DMBT1: variants seen among roughly 807,000 people sequenced by gnomAD.
DMBT1 encodes the protein deleted in malignant brain tumors 1.
Under a neutral mutation model 252.9 loss-of-function variants are expected in DMBT1, and 198 were observed. That is an observed-to-expected ratio of 0.78 (90% CI 0.70 to 0.88). The LOEUF is 0.88. Ranked by LOEUF, DMBT1 falls within the 40% of genes least tolerant of loss-of-function variation. The pLI, the probability that DMBT1 is intolerant of heterozygous loss-of-function variation, is 0.00. For synonymous variants in DMBT1, 990 were observed against 942.7 expected (o/e 1.05, Z -0.92); for missense variants, 2,432 against 2,404.7 (o/e 1.01, Z -0.24).
At chr10:122,634,356 C>CTTTCTTTT (rs1566001376) in intron 52 of DMBT1, among the ~76,000 whole-genome samples, 10 of 98,414 alleles carry the variant, frequency 1.0e-4, no homozygotes, top group Non-Finnish European at 1.1e-4. Context: ...TTCTTTCTTT[C>CTTTCTTTT]TTTCTTTCTT....
chr10:122,643,007 G>GT, intron 55 of DMBT1, 115 bp from the exon 56 acceptor site: 1 of 1,378,322 alleles, frequency 7.3e-7, no homozygotes, highest in East Asian at 2.3e-5. Flanking sequence ...AAGGTGAGGT[G>GT]TGCAGGAGGC....
chr10:122,622,710 G>T (rs147640438), intron 44 of DMBT1, among the ~76,000 whole-genome samples: 57 of 152,300 alleles, frequency 3.7e-4, no homozygotes, highest in South Asian at 6.2e-4. Context: ...TGACGGCTCA[G>T]CCAGAGTTCT....
At chr10:122,590,597 T>A in intron 17 of DMBT1, 68 bp from the exon 18 acceptor site, 1 of 1,552,280 alleles carries the variant, frequency 6.4e-7, no homozygotes, top group Non-Finnish European at 8.8e-7. Context: ...GTTTAGTTCC[T>A]TGTACCTTTG....
chr10:122,568,889 C>CTGGTGTCAT (rs2097631098), intron 2 of DMBT1, among the ~76,000 whole-genome samples: 2 of 152,234 alleles, frequency 1.3e-5, no homozygotes, highest in South Asian at 4.1e-4. Context: ...AGGGAAGATG[C>CTGGTGTCAT]TGGTGTCATG....
At chr10:122,623,095 T>C (rs914453207) in intron 44 of DMBT1, among the ~76,000 whole-genome samples, 1 of 152,178 alleles carries the variant, frequency 6.6e-6, no homozygotes, top group African/African-American at 2.4e-5. Context: ...CAACCACTAA[T>C]CTGCTTTCTG....
chr10:122,580,485 A>G (rs2133557359), intron 10 of DMBT1, among the ~76,000 whole-genome samples: 1 of 152,310 alleles, frequency 6.6e-6, no homozygotes, highest in Non-Finnish European at 1.5e-5. Context: ...AGTCCCCATG[A>G]GGCCAGCCAG....
chr10:122,564,796 T>C lies in DMBT1; in HGVS notation c.62-1171T>C, dbSNP rs1985362. Among the ~76,000 whole-genome samples, 700 of 152,324 alleles carry C rather than the reference T, an allele frequency of 4.6e-3. 2 individuals carry two copies. Among genetic ancestry groups the C allele is most frequent in the Non-Finnish European group, 7.5e-3 (512 of 68,010 alleles). ...TTTGAGAAATTCATCTAGGATATCATCATCTGAAGACTCATAGTCTGAGAT... is the reference window on the plus strand; with the variant it reads ...TTTGAGAAATTCATCTAGGATATCACCATCTGAAGACTCATAGTCTGAGAT... On this transcript the variant is annotated intron_variant, in intron 1 of 55. Transcript: ENST00000338354.
chr10:122,632,279 G>A (rs2098171581), intron 50 of DMBT1, among the ~76,000 whole-genome samples: 1 of 151,490 alleles, frequency 6.6e-6, no homozygotes, highest in South Asian at 2.1e-4. Context: ...CCCCCTGCTT[G>A]CTTTGTCATC....
In DMBT1 at chr10:122,598,776, T is replaced by A. The variant is rs758277518; in HGVS notation, c.2959T>A (p.Ser987Thr). ...AGGATTCTTGTGTTCCCCTGTAGGA[T>A]CTGAATCCAGTTTGGCCCTGAGGCT... ...TITLPASTVG[S>T]ESSLALRLVN... Residue 987 changes from serine to threonine, a missense_variant and splice_region_variant, in exon 26 of 56, where the codon TCT becomes ACT. By Grantham distance (58) the Ser-to-Thr change is moderately conservative (BLOSUM62 1). Transcript: ENST00000338354. The A allele has an allele frequency of 6.2e-7, 1 of 1,613,028 alleles. No homozygotes were observed. Among genetic ancestry groups the A allele is most frequent in the East Asian group, 2.2e-5 (1 of 44,870 alleles).
At chr10:122,593,348 A>G (rs2097866855) in intron 20 of DMBT1, among the ~76,000 whole-genome samples, 1 of 148,170 alleles carries the variant, frequency 6.7e-6, no homozygotes, top group South Asian at 2.3e-4. Flanking sequence ...CCCTGGGCAG[A>G]CACAATTTGA....
chr10:122,584,915 T>G lies in DMBT1; in HGVS notation c.1421-356T>G, dbSNP rs574807605. On this transcript the variant is annotated intron_variant, in intron 14 of 55. Coordinates refer to ENST00000338354, the MANE Select transcript of DMBT1 (RefSeq NM_001377530.1). The stretch of plus-strand genomic sequence containing the variant: ...CACTTACTGGGAAACTTGATACCCC[T>G]TTGGTCAGCTCCTTGGTTTCCCTAA... 6.2e-4 allele frequency among the ~76,000 whole-genome samples: 93 copies of G among 149,226 alleles called. 8 individuals are homozygous for G. Among genetic ancestry groups the G allele is most frequent in the Non-Finnish European group, 1.1e-3 (76 of 66,818 alleles).
In DMBT1 at chr10:122,592,677, C is replaced by G; in HGVS notation, c.2500+82C>G. The G allele has an allele frequency of 1.9e-6, 3 of 1,564,138 alleles. 1 individual carries two copies. The highest frequency in any genetic ancestry group is 2.6e-6 in the Non-Finnish European group (3 of 1,150,652). On this transcript the variant is annotated intron_variant, in intron 20 of 55. Transcript: ENST00000338354. ...AATCCTAATTACATTCTGATCTCCT[C>G]ACTCAAAGATTCTTCTATGTTTCCT...
chr10:122,599,971 G>A (rs2097925805), intron 26 of DMBT1, 93 bp from the exon 27 acceptor site: 2 of 1,514,838 alleles, frequency 1.3e-6, no homozygotes, highest in South Asian at 1.1e-5. Flanking sequence ...GATGGACTGA[G>A]TGTCAGACTC....
In DMBT1 at chr10:122,588,586, G is replaced by C. The variant is rs1387785372; in HGVS notation, c.1784-358G>C. On this transcript the variant is annotated intron_variant, in intron 16 of 55. Transcript: ENST00000338354. The stretch of plus-strand genomic sequence containing the variant: ...CCTTGGCAATTTGCCAGAAGCCAGG[G>C]AGGACCATGGGGGTGCCACCTAACT... Among the ~76,000 whole-genome samples the C allele has an allele frequency of 3.4e-5, 5 of 148,792 alleles. 1 individual carries two copies. Among genetic ancestry groups the C allele is most frequent in the Non-Finnish European group, 7.5e-5 (5 of 66,804 alleles).
chr10:122,592,236 T>C (rs2133588130), intron 19 of DMBT1, 36 bp from the exon 20 acceptor site: 1 of 1,581,550 alleles, frequency 6.3e-7, no homozygotes, highest in African/African-American at 1.3e-5. Context: ...TACCTCATGG[T>C]AGGGATGGAT....
chr10:122,621,573 C>A (rs2098069228), intron 44 of DMBT1, among the ~76,000 whole-genome samples, 193 bp downstream of exon 44: 2 of 152,172 alleles, frequency 1.3e-5, no homozygotes, highest in Non-Finnish European at 2.9e-5. Context: ...GGACAGGGGA[C>A]CAAACTGAAA....
chr10:122,631,829 A>G (rs1375571110), intron 49 of DMBT1, 26 bp from the exon 50 acceptor site: 42 of 1,613,592 alleles, frequency 2.6e-5, no homozygotes, highest in Non-Finnish European at 3.3e-5. Context: ...TCTGTGACCT[A>G]TGCTTTTTTT....
chr10:122,629,973 C>T lies in DMBT1; in HGVS notation c.5802C>T (p.Asn1934=), dbSNP rs747280704. 6.2e-7 allele frequency: 1 copy of T among 1,613,966 alleles called. No individual in the cohort carries two copies. Among genetic ancestry groups the T allele is most frequent in the Non-Finnish European group, 8.5e-7 (1 of 1,179,886 alleles). The change falls in exon 47 of 56, where the codon AAC becomes AAT. Residue 1934 remains asparagine, a synonymous_variant. Transcript: ENST00000338354. The part of the protein sequence containing the change: ...EIEVNSGYRI[N]LGFSNLKLEA... The stretch of plus-strand genomic sequence containing the variant: ...AAGTGAATTCTGGTTATCGCATAAA[C>T]CTGGGCTTCAGTAATCTGAAGTAAG...
At chr10:122,625,325 C>A (rs1432437522) in intron 45 of DMBT1, 22 bp downstream of exon 45, 1 of 1,604,964 alleles carries the variant, frequency 6.2e-7, no homozygotes, top group Non-Finnish European at 8.5e-7. Flanking sequence ...ACACCCCAGT[C>A]CAGCAATATT....
Sources: gnomAD v4.1 joint callset for allele counts (sites outside exome capture counted in the v4.1 genomes callset) on GRCh38, gnomAD v4.1.1 for gene constraint, MANE v1.5 for transcripts, NCBI Gene and HGNC (gene_info 2026-07-23, HGNC 2026-07-21) for gene names.